Variants in NRG1 observed in about 807,000 individuals in gnomAD.
NRG1 encodes the protein pro-neuregulin-1, membrane-bound isoform.
Under a neutral mutation model 63.8 loss-of-function variants are expected in NRG1, and 18 were observed. That is an observed-to-expected ratio of 0.28 (90% confidence interval 0.19 to 0.42). The LOEUF (loss-of-function observed/expected upper bound fraction) is 0.42, where lower values mean the gene tolerates loss of function less well. NRG1 is among the 10% of genes least tolerant of loss of function. The pLI, the probability that NRG1 is intolerant of heterozygous loss-of-function variation, is 1.00. For synonymous variants in NRG1, 302 were observed against 301.3 expected (o/e 1.00, Z -0.02); for missense variants, 762 against 814.7 (o/e 0.94, Z 0.79).
At chr8:32,386,591 G>A (rs543314602) in intron 1 of NRG1, among the ~76,000 whole-genome samples, 46 of 152,214 alleles carry the variant, frequency 3.0e-4, no homozygotes, top group African/African-American at 1.1e-3. Flanking sequence ...GGACAAAACG[G>A]ACAAACCTAT....
At chr8:32,113,480 TC>T (rs1297878688) in intron 1 of NRG1, among the ~76,000 whole-genome samples, 1 of 152,150 alleles carries the variant, frequency 6.6e-6, no homozygotes, top group African/African-American at 2.4e-5. Context: ...TTTCCTTGGT[TC>T]CTCCAGCCTG....
At chr8:32,559,083 GAA>G (rs35947086) in intron 1 of NRG1, among the ~76,000 whole-genome samples, 18,304 of 86,678 alleles carry the variant, frequency 0.21, 1,505 homozygotes, top group African/African-American at 0.29. Context: ...TTGTCTCAGC[GAA>G]AAAAAAAAAA....
chr8:32,549,739 C>G (rs1833766840), intron 1 of NRG1, among the ~76,000 whole-genome samples: 1 of 152,104 alleles, frequency 6.6e-6, no homozygotes, highest in African/African-American at 2.4e-5. Context: ...CCCTAGGAAG[C>G]GCTGATGCTT....
chr8:32,488,248 C>T (rs534522053), intron 1 of NRG1, among the ~76,000 whole-genome samples: 3 of 152,274 alleles, frequency 2.0e-5, no homozygotes, highest in Non-Finnish European at 2.9e-5. Flanking sequence ...GCATACTTTT[C>T]GTTCTTATAA....
Position 31,925,725 on chromosome 8 carries a change from G to A in NRG1, c.37+286294G>A, listed in dbSNP as rs879902652. On this transcript the variant is annotated intron_variant, in intron 1 of 10. Transcript: ENST00000519301. Reference sequence around the variant, plus strand: ...TTATTAATTAATCTTCTTCTTCTGTGTCAATTCTGCTATGAAGCCCGTCCA... The same window carrying A: ...TTATTAATTAATCTTCTTCTTCTGTATCAATTCTGCTATGAAGCCCGTCCA... Among the ~76,000 whole-genome samples, 1,048 of 150,254 alleles carry A rather than the reference G, an allele frequency of 7.0e-3. 7 individuals are homozygous for A. The highest frequency in any genetic ancestry group is 0.011 in the Non-Finnish European group (758 of 67,508).
chr8:32,356,474 A>ACCCCCCCCCCCCCCCCCGGGCC (rs11426642), intron 1 of NRG1, among the ~76,000 whole-genome samples: 3 of 69,324 alleles, frequency 4.3e-5, no homozygotes, highest in African/African-American at 5.9e-5. Context: ...CCTTGTTGGG[A>ACCCCCCCCCCCCCCCCCGGGCC]CCCCCCCCCC....
At chr8:31,851,389 T>C (rs1227341731) in intron 1 of NRG1, among the ~76,000 whole-genome samples, 1 of 152,202 alleles carries the variant, frequency 6.6e-6, no homozygotes, top group Non-Finnish European at 1.5e-5. Context: ...AATTTTATGA[T>C]GCCTGGTTGG....
intron 1 of NRG1, among the ~76,000 whole-genome samples, chr8:31,801,668 A>G (rs954914095): frequency 1.3e-5 from 2 of 152,210 alleles, no homozygotes; most frequent in African/African-American, 4.8e-5. Context: ...GTAAGTTGTT[A>G]TCACCAACTC....
At chr8:32,239,683 G>A (rs1205224685) in intron 1 of NRG1, among the ~76,000 whole-genome samples, 1 of 152,058 alleles carries the variant, frequency 6.6e-6, no homozygotes, top group African/African-American at 2.4e-5. Context: ...TGTACCTAGA[G>A]AGTATAAAGA....
intron 1 of NRG1, among the ~76,000 whole-genome samples, chr8:32,075,541 A>G (rs75087987): frequency 0.02 from 3,018 of 152,248 alleles, 92 homozygotes; most frequent in African/African-American, 0.068. Context: ...ATGGCATAGT[A>G]TCTGTATACT....
chr8:32,070,574 C>T (rs1825603984), intron 1 of NRG1, among the ~76,000 whole-genome samples: 1 of 152,124 alleles, frequency 6.6e-6, no homozygotes, highest in African/African-American at 2.4e-5. Context: ...GATTTATTTT[C>T]CTTTTCATAG....
intron 1 of NRG1, among the ~76,000 whole-genome samples, chr8:31,881,070 A>G (rs1340950844): frequency 6.6e-6 from 1 of 152,160 alleles, no homozygotes; most frequent in Non-Finnish European, 1.5e-5. Flanking sequence ...CATTTATTCA[A>G]CATTTTTAAG....
intron 1 of NRG1, among the ~76,000 whole-genome samples, chr8:32,004,522 A>G (rs775057965): frequency 2.6e-5 from 4 of 151,864 alleles, no homozygotes; most frequent in Non-Finnish European, 2.9e-5. Flanking sequence ...AAGGTGTAGA[A>G]GGAATACATG....
intron 1 of NRG1, among the ~76,000 whole-genome samples, chr8:31,663,474 T>C (rs1277849080): frequency 1.3e-5 from 2 of 152,114 alleles, no homozygotes; most frequent in South Asian, 2.1e-4. Context: ...TGGGAGCCCA[T>C]TATGTACTTA....
At chr8:31,949,224 A>G (rs970978926) in intron 1 of NRG1, among the ~76,000 whole-genome samples, 17 of 152,160 alleles carry the variant, frequency 1.1e-4, no homozygotes, top group African/African-American at 3.9e-4. Context: ...TATTATACCT[A>G]TTTTGCAGAT....
chr8:32,372,714 C>G (rs1809073145), intron 1 of NRG1, among the ~76,000 whole-genome samples: 1 of 152,190 alleles, frequency 6.6e-6, no homozygotes, highest in Non-Finnish European at 1.5e-5. Flanking sequence ...TCAGCCCTCC[C>G]AACTTTCACT....
intron 1 of NRG1, among the ~76,000 whole-genome samples, chr8:31,996,087 G>T (rs533248879): frequency 3.3e-5 from 5 of 151,162 alleles, no homozygotes; most frequent in Admixed American, 2.6e-4. Context: ...TTCTTCGTCT[G>T]CACTGTTATG....
chr8:31,999,391 T>C (rs1279393628), intron 1 of NRG1, among the ~76,000 whole-genome samples: 1 of 152,032 alleles, frequency 6.6e-6, no homozygotes. Context: ...GTGGTCAGAA[T>C]CAAGTGGTCC....
intron 1 of NRG1, among the ~76,000 whole-genome samples, chr8:31,782,202 C>T (rs1251433976): frequency 6.6e-6 from 1 of 152,152 alleles, no homozygotes; most frequent in African/African-American, 2.4e-5. Flanking sequence ...TCTTCAGATG[C>T]ACTGAACATC....
Sources: allele counts gnomAD v4.1 joint callset (sites outside exome capture counted in the v4.1 genomes callset), GRCh38; gene constraint gnomAD v4.1.1; transcripts MANE v1.5; gene names NCBI Gene and HGNC (gene_info 2026-07-23, HGNC 2026-07-21).